FRMD4B: variants seen among roughly 807,000 people sequenced by gnomAD.
FRMD4B encodes FERM domain-containing protein 4B.
FRMD4B carries 74 observed loss-of-function variants against 141.5 expected under a neutral mutation model. That is an observed-to-expected ratio of 0.52 (90% CI 0.43 to 0.63). The LOEUF (loss-of-function observed/expected upper bound fraction) is 0.63. FRMD4B is among the 30% of genes least tolerant of loss of function. The pLI is 0.00. For missense variants in FRMD4B, 1,366 were observed against 1,253.4 expected (o/e 1.09, Z -1.36); for synonymous variants, 506 against 467.9 (o/e 1.08, Z -1.05).
At chr3:69,262,806 G>C (rs2093536555) in intron 5 of FRMD4B, among the ~76,000 whole-genome samples, 2 of 152,086 alleles carry the variant, frequency 1.3e-5, no homozygotes, top group South Asian at 4.2e-4. Flanking sequence ...CTACTATTCA[G>C]CAGTGAAAAT....
chr3:69,417,710 C>T (rs547097322), intron 2 of FRMD4B, among the ~76,000 whole-genome samples: 2 of 152,300 alleles, frequency 1.3e-5, no homozygotes, highest in Non-Finnish European at 2.9e-5. Flanking sequence ...CATCTGGCTA[C>T]CGTGACAAAT....
chr3:69,295,392 G>A (rs1000704395), intron 4 of FRMD4B, among the ~76,000 whole-genome samples: 2 of 152,098 alleles, frequency 1.3e-5, no homozygotes, highest in Non-Finnish European at 2.9e-5. Flanking sequence ...CCTGATCACC[G>A]CTCACTGCAG....
Position 69,530,027 on chromosome 3 carries a change from C to T in FRMD4B, c.-129+12179G>A, listed in dbSNP as rs146137374. Among the ~76,000 whole-genome samples, 200 of 152,316 alleles carry T rather than the reference C, an allele frequency of 1.3e-3. 2 individuals are homozygous for T. The highest frequency in any genetic ancestry group is 5.4e-3 in the South Asian group (26 of 4,824). ...AACAGGAATTGGCAAAGCACAGGCT[C>T]ATGGGCCAACATCTATACCCTGCTT... On this transcript the variant is annotated intron_variant, in intron 1 of 5. Transcript: ENST00000459638.
At chr3:69,226,809 T>C (rs2093259136) in intron 7 of FRMD4B, among the ~76,000 whole-genome samples, 1 of 152,134 alleles carries the variant, frequency 6.6e-6, no homozygotes, top group Admixed American at 6.6e-5. Context: ...GAAAGGAGAA[T>C]AGGGAAAGAA....
intron 1 of FRMD4B, among the ~76,000 whole-genome samples, chr3:69,443,646 C>T (rs1705370824): frequency 6.6e-6 from 1 of 152,196 alleles, no homozygotes; most frequent in African/African-American, 2.4e-5. Context: ...TAAGAGAAAT[C>T]TGACACAGCC....
chr3:69,328,452 C>G (rs532968935), intron 1 of FRMD4B, among the ~76,000 whole-genome samples: 3 of 152,224 alleles, frequency 2.0e-5, no homozygotes, highest in African/African-American at 7.2e-5. Context: ...GGTGTTTGCA[C>G]TGGAGTGACT....
chr3:69,356,843 T>C (rs962594783), intron 1 of FRMD4B, among the ~76,000 whole-genome samples: 1 of 152,098 alleles, frequency 6.6e-6, no homozygotes, highest in Non-Finnish European at 1.5e-5. Context: ...CATACTCCAA[T>C]GTCACTGTCT....
chr3:69,386,041 C>A lies in FRMD4B; in HGVS notation c.-52G>T. 2.1e-6 allele frequency: 3 copies of A among 1,411,704 alleles called. No homozygotes were observed. The highest frequency in any genetic ancestry group is 3.1e-5 in the South Asian group (2 of 63,662). 87.4% of individuals were successfully genotyped at this position (1,411,704 alleles called of 1,614,324 possible). ...CGTCCCGGCTCTCGTACGTGCAGCC[C>A]CGACCCCAGCGGCCTGCCCGCCTGG... On this transcript the variant is annotated 5_prime_UTR_variant, in exon 1 of 23. Transcript: ENST00000398540.
chr3:69,268,539 A>G lies in FRMD4B; in HGVS notation c.502-18440T>C, dbSNP rs533954856. 3.3e-5 allele frequency among the ~76,000 whole-genome samples: 5 copies of G among 152,164 alleles called. No homozygotes were observed. The South Asian group carries it at 1.0e-3, about 32-fold the overall frequency. ...AAACGCACCCTGGCACCAATGTACAATGACAATTTGAATTAGTAGCAGCAG... is the reference window on the plus strand; with the variant it reads ...AAACGCACCCTGGCACCAATGTACAGTGACAATTTGAATTAGTAGCAGCAG... On this transcript the variant is annotated intron_variant, in intron 5 of 22. Coordinates refer to ENST00000398540, the MANE Select transcript of FRMD4B (RefSeq NM_015123.3).
intron 1 of FRMD4B, among the ~76,000 whole-genome samples, chr3:69,465,555 G>A (rs1414737861): frequency 1.7e-5 from 2 of 115,198 alleles, no homozygotes; most frequent in South Asian, 2.9e-4. Flanking sequence ...CCCAGCCCCC[G>A]ACAGGCCCCG....
At chr3:69,382,448 T>A (rs1307639320) in intron 1 of FRMD4B, among the ~76,000 whole-genome samples, 1 of 152,264 alleles carries the variant, frequency 6.6e-6, no homozygotes, top group Non-Finnish European at 1.5e-5. Context: ...GTGCTGGGAT[T>A]AGAGGTGTGA....
At chr3:69,247,079 A>T (rs1171401877) in intron 7 of FRMD4B, among the ~76,000 whole-genome samples, 2 of 152,286 alleles carry the variant, frequency 1.3e-5, no homozygotes, top group East Asian at 3.9e-4. Context: ...TAGATAAGAG[A>T]CCAGATAGGA....
rs375424944 is a variant in FRMD4B, at chr3:69,313,471, C to T, written c.209G>A (p.Arg70Lys). 4.5e-5 allele frequency: 70 copies of T among 1,571,772 alleles called. No individual in the cohort carries two copies. Among genetic ancestry groups the T allele is most frequent in the Non-Finnish European group, 5.7e-5 (66 of 1,157,738 alleles). ...ACCTACCTGAACCAGCAGCTCCAGTCTCCTATCATCCAGGAGGTGCACCTG... is the reference window on the plus strand; with the variant it reads ...ACCTACCTGAACCAGCAGCTCCAGTTTCCTATCATCCAGGAGGTGCACCTG... Reference protein sequence around the residue: ...HCQVHLLDDRRLELLVQPKLL... With the variant: ...HCQVHLLDDRKLELLVQPKLL... The change falls in exon 2 of 23, where the codon AGA becomes AAA. Residue 70 changes from arginine (R) to lysine (K), a missense_variant. Physicochemically the swap from Arg to Lys is conservative, Grantham distance 26. Coordinates refer to ENST00000398540, the MANE Select transcript of FRMD4B (RefSeq NM_015123.3).
chr3:69,276,990 T>G (rs1292987843), intron 5 of FRMD4B, among the ~76,000 whole-genome samples: 4 of 152,138 alleles, frequency 2.6e-5, no homozygotes, highest in Admixed American at 2.6e-4. Flanking sequence ...AAGAGCATGT[T>G]TTCAGATGAT....
intron 1 of FRMD4B, chr3:69,376,795 G>A (rs1261611900): frequency 2.0e-5 from 3 of 151,938 alleles, no homozygotes; most frequent in Admixed American, 1.3e-4. Context: ...ATATGGTCTT[G>A]TTTATAAAAT....
chr3:69,435,110 C>T (rs1705239559), intron 1 of FRMD4B, among the ~76,000 whole-genome samples: 1 of 152,172 alleles, frequency 6.6e-6, no homozygotes, highest in African/African-American at 2.4e-5. Flanking sequence ...TTTAGAGACC[C>T]TATCCACATG....
intron 1 of FRMD4B, among the ~76,000 whole-genome samples, chr3:69,482,324 C>T (rs1706137697): frequency 6.6e-6 from 1 of 152,120 alleles, no homozygotes; most frequent in Admixed American, 6.5e-5. Flanking sequence ...CTAAGAATAT[C>T]ACAGAACTTA....
chr3:69,436,033 A>T (rs1167160806), intron 1 of FRMD4B, among the ~76,000 whole-genome samples: 1 of 152,182 alleles, frequency 6.6e-6, no homozygotes, highest in Non-Finnish European at 1.5e-5. Context: ...ACTGAGACCA[A>T]TCAAAGGACA....
chr3:69,256,516 C>T (rs569755414), intron 5 of FRMD4B, among the ~76,000 whole-genome samples: 1 of 152,276 alleles, frequency 6.6e-6, no homozygotes, highest in East Asian at 1.9e-4. Flanking sequence ...GATGGGGTTT[C>T]ACCATGTTGG....
Sources: allele counts gnomAD v4.1 joint callset (sites outside exome capture counted in the v4.1 genomes callset), GRCh38; gene constraint gnomAD v4.1.1; transcripts MANE v1.5; gene names NCBI Gene and HGNC (gene_info 2026-07-23, HGNC 2026-07-21).